Variants in DMXL1 observed in about 807,000 individuals in gnomAD.
DMXL1 encodes the protein dmX-like protein 1.
Under a neutral mutation model 319.2 loss-of-function variants are expected in DMXL1, and 99 were observed. That is an observed-to-expected ratio of 0.31 (90% CI 0.26 to 0.37). DMXL1 has a LOEUF of 0.37. Among genes scored for constraint, DMXL1 ranks in the 10% least tolerant of loss-of-function variants. DMXL1 has a pLI of 1.00. For synonymous variants in DMXL1, 1,385 were observed against 1,235.2 expected (o/e 1.12, Z -2.54); for missense variants, 3,745 against 3,595.6 (o/e 1.04, Z -1.06).
rs1790097515 is a variant in DMXL1, at chr5:119,248,316, T to G, written c.*1097T>G. 1 of 152,436 alleles carries G rather than the reference T, an allele frequency of 6.6e-6. No homozygotes were observed. The highest frequency in any genetic ancestry group is 2.1e-4 in the South Asian group (1 of 4,826). 9.4% of individuals were successfully genotyped at this position (152,436 alleles called of 1,614,324 possible). On this transcript the variant is annotated 3_prime_UTR_variant, in exon 44 of 44. Coordinates refer to ENST00000539542, the MANE Select transcript of DMXL1 (RefSeq NM_001290321.3). The stretch of plus-strand genomic sequence containing the variant: ...CCATTAATAGAAAATAAACTAAACC[T>G]TATATTTTATTTTTGCCAAAATATT...
chr5:119,171,239 G>A lies in DMXL1; in HGVS notation c.6448G>A (p.Val2150Ile), dbSNP rs1774480215. The change falls in exon 24 of 44, where the codon GTA becomes ATA. Residue 2150 changes from valine (V) to isoleucine (I), a missense_variant. Coordinates refer to ENST00000539542, the MANE Select transcript of DMXL1 (RefSeq NM_001290321.3). ...ATCCCATGGTGGGGGTCTTGCATCT[G>A]TAAGAATGGAATTGATTTTGCTTTT... Reference protein sequence around the residue: ...HGSHGGGLASVRMELILLLQE... With the variant: ...HGSHGGGLASIRMELILLLQE... 2 of 1,606,480 alleles carry A rather than the reference G, an allele frequency of 1.2e-6. No homozygotes were observed. The highest frequency in any genetic ancestry group is 2.7e-5 in the African/African-American group (2 of 74,740).
intron 30 of DMXL1, among the ~76,000 whole-genome samples, chr5:119,195,067 AAAAAAC>A (rs201175923): frequency 0.056 from 8,566 of 152,022 alleles, 311 homozygotes; most frequent in Non-Finnish European, 0.079. Context: ...GCTACCAAAA[AAAAAAC>A]AAAAACAAAA....
intron 9 of DMXL1, among the ~76,000 whole-genome samples, chr5:119,121,920 C>T (rs1442455212): frequency 2.1e-5 from 3 of 146,046 alleles, no homozygotes; most frequent in Non-Finnish European, 4.5e-5. Context: ...GCTGACCCCC[C>T]CCACCTCCCT....
chr5:119,229,505 TACAC>T (rs1422311347), intron 38 of DMXL1, among the ~76,000 whole-genome samples: 3 of 152,250 alleles, frequency 2.0e-5, no homozygotes, highest in Admixed American at 6.5e-5. Context: ...AAATTCCTCT[TACAC>T]AAACCCTGTA....
rs766247765 is a variant in DMXL1, at chr5:119,177,464, C to T, written c.6866C>T (p.Thr2289Met). The change falls in exon 27 of 44, where the codon ACG (threonine) becomes ATG (methionine). Residue 2289 changes from threonine (T) to methionine (M), a missense_variant. This residue lies in a region of DMXL1 where 1,382 missense variants were observed against 1,269.5 expected (regional missense o/e 1.09). Transcript: ENST00000539542. ...TTAGATGAAGCATTAACTCCCAATA[C>T]GTCACCAGCTCAATGGCCAGGTATA... The part of the protein sequence containing the change: ...GSLDEALTPN[T>M]SPAQWPGITC... The T allele has an allele frequency of 1.2e-5, 20 of 1,606,402 alleles. No homozygotes were observed. The Middle Eastern group carries it at 5.0e-4, about 40-fold the overall frequency.
chr5:119,118,544 A>C (rs370579369), intron 7 of DMXL1, among the ~76,000 whole-genome samples: 44 of 152,172 alleles, frequency 2.9e-4, no homozygotes, highest in African/African-American at 9.6e-4. Context: ...TGAATCCAGG[A>C]GTTTGAGAGC....
intron 19 of DMXL1, among the ~76,000 whole-genome samples, chr5:119,157,232 C>G (rs1581069567): frequency 6.6e-6 from 1 of 152,310 alleles, no homozygotes; most frequent in East Asian, 1.9e-4. Context: ...AACTCCTTAT[C>G]AGATATACAG....
chr5:119,073,682 TA>T (rs959625932), intron 1 of DMXL1, among the ~76,000 whole-genome samples: 8 of 152,288 alleles, frequency 5.3e-5, no homozygotes, highest in Admixed American at 5.2e-4. Flanking sequence ...GTAAATAAAC[TA>T]AAAATAAATT....
intron 1 of DMXL1, 88 bp downstream of exon 1, chr5:119,071,744 C>A: frequency 2.3e-6 from 3 of 1,281,604 alleles, no homozygotes; most frequent in Non-Finnish European, 2.1e-6. Context: ...CGGGCAGAGG[C>A]GCGAGGTCTT....
intron 38 of DMXL1, among the ~76,000 whole-genome samples, chr5:119,232,667 C>T (rs192985457): frequency 6.6e-6 from 1 of 152,068 alleles, no homozygotes; most frequent in Admixed American, 6.6e-5. Context: ...AGTCATTTAT[C>T]TTATTCATAT....
chr5:119,095,832 C>A (rs975036899), intron 1 of DMXL1, among the ~76,000 whole-genome samples: 1 of 152,138 alleles, frequency 6.6e-6, no homozygotes, highest in Admixed American at 6.5e-5. Flanking sequence ...AGGAGATCAT[C>A]ATGTGATTTT....
intron 1 of DMXL1, among the ~76,000 whole-genome samples, chr5:119,083,317 G>C (rs1000110621): frequency 1.3e-5 from 2 of 151,930 alleles, no homozygotes; most frequent in African/African-American, 4.8e-5. Context: ...TGCTGCAAAT[G>C]GCAGGATTTC....
Position 119,097,781 on chromosome 5 carries a change from A to G in DMXL1, c.88-198A>G, listed in dbSNP as rs538218999. ...TGCATATTTTGCAGAAAGGACTGACAGAATTTGCTAATAGGCTGTATATGG... is the reference window on the plus strand; with the variant it reads ...TGCATATTTTGCAGAAAGGACTGACGGAATTTGCTAATAGGCTGTATATGG... On this transcript the variant is annotated intron_variant, in intron 1 of 43. Transcript: ENST00000539542. Among the ~76,000 whole-genome samples, 17 of 152,308 alleles carry G rather than the reference A, an allele frequency of 1.1e-4. No homozygotes were observed. In the South Asian group the frequency reaches 3.3e-3, roughly 30 times the overall value.
At chr5:119,232,922 T>G (rs1253788654) in intron 38 of DMXL1, among the ~76,000 whole-genome samples, 1 of 152,020 alleles carries the variant, frequency 6.6e-6, no homozygotes, top group African/African-American at 2.4e-5. Context: ...GCATGACATT[T>G]AAAACCTTCT....
intron 3 of DMXL1, chr5:119,102,294 G>T: frequency 1.2e-5 from 3 of 244,606 alleles, no homozygotes; most frequent in Non-Finnish European, 2.3e-5. Context: ...CTACTTTATT[G>T]CTAGTATCAA....
intron 34 of DMXL1, among the ~76,000 whole-genome samples, chr5:119,211,099 T>C (rs1206453271): frequency 6.6e-6 from 1 of 151,692 alleles, no homozygotes; most frequent in East Asian, 1.9e-4. Context: ...GTTAAACCAA[T>C]CTAGCATTCC....
At chr5:119,157,921 TTTTAACAAATTAAAAA>T (rs1251925991) in intron 19 of DMXL1, among the ~76,000 whole-genome samples, 3 of 152,232 alleles carry the variant, frequency 2.0e-5, no homozygotes, top group African/African-American at 4.8e-5. Flanking sequence ...AGTTTGGACA[TTTTAACAAATTAAAAA>T]TTTAACAAAT....
intron 17 of DMXL1, among the ~76,000 whole-genome samples, chr5:119,148,359 T>C (rs1769038822): frequency 6.6e-6 from 1 of 152,170 alleles, no homozygotes; most frequent in African/African-American, 2.4e-5. Flanking sequence ...CAAAGAGCTG[T>C]GAAACAAATT....
At position 119,175,278 on chromosome 5, in the gene DMXL1, T is replaced by C; in HGVS notation, c.6699T>C (p.Thr2233=). 1 of 1,611,822 alleles carries C rather than the reference T, an allele frequency of 6.2e-7. No individual in the cohort carries two copies. The highest frequency in any genetic ancestry group is 8.5e-7 in the Non-Finnish European group (1 of 1,179,002). Residue 2233 remains threonine, a synonymous_variant, in exon 26 of 44, where the codon ACT becomes ACC. Transcript: ENST00000539542. ...TTTTCCAGGTGTATGTAATGCATAC[T>C]TTAGCAGCTTCACTTTCTGCTTGTA... ...IQSNKVYVMH[T]LAASLSACIY...
Sources: allele counts gnomAD v4.1 joint callset (sites outside exome capture counted in the v4.1 genomes callset), GRCh38; gene constraint gnomAD v4.1.1; regional missense constraint gnomAD v4.1.1; transcripts MANE v1.5; gene names NCBI Gene and HGNC (gene_info 2026-07-23, HGNC 2026-07-21).